The following BMP1 variants were observed in gnomAD, a reference collection of about 807,000 sequenced individuals.
BMP1 encodes bone morphogenetic protein 1, also known as mammalian tolloid protein.
BMP1 carries 63 observed loss-of-function variants against 116.8 expected under a neutral mutation model. The ratio of observed to expected loss-of-function variants is 0.54; its 90% confidence interval spans 0.44 to 0.67. The LOEUF (loss-of-function observed/expected upper bound fraction) is 0.67, where lower values mean the gene tolerates loss of function less well. Ranked by LOEUF, BMP1 falls within the 30% of genes least tolerant of loss-of-function variation. BMP1 has a pLI of 0.00. For synonymous variants in BMP1, 536 were observed against 533.4 expected (o/e 1.00, Z -0.07); for missense variants, 1,183 against 1,358.9 (o/e 0.87, Z 2.04).
intron 8 of BMP1, among the ~76,000 whole-genome samples, chr8:22,182,202 A>T (rs1161230478): frequency 6.6e-6 from 1 of 152,234 alleles, no homozygotes; most frequent in African/African-American, 2.4e-5. Flanking sequence ...ACATCTCAAG[A>T]TCATTTTGAA....
At chr8:22,176,815 A>G (rs1828451374) in intron 4 of BMP1, 146 bp from the exon 5 acceptor site, 1 of 980,938 alleles carries the variant, frequency 1.0e-6, no homozygotes, top group Non-Finnish European at 1.5e-6. Context: ...TGTGACCTCC[A>G]GCACACAGCC....
At chr8:22,188,787 C>T (rs971329759) in intron 8 of BMP1, among the ~76,000 whole-genome samples, 6 of 152,166 alleles carry the variant, frequency 3.9e-5, no homozygotes, top group Non-Finnish European at 7.3e-5. Context: ...GGGGTTCTGC[C>T]GGCTGGGCGT....
chr8:22,180,218 T>G, intron 7 of BMP1, 150 bp from the exon 8 acceptor site: 1 of 684,922 alleles, frequency 1.5e-6, no homozygotes, highest in Non-Finnish European at 2.6e-6. Context: ...GGGGGGTGGA[T>G]CTTATAGGGG....
chr8:22,165,649 C>T, intron 1 of BMP1, 96 bp downstream of exon 1: 1 of 1,247,786 alleles, frequency 8.0e-7, no homozygotes, highest in African/African-American at 1.6e-5. Flanking sequence ...TGTGGGAAGC[C>T]GGGAGCTGCC....
chr8:22,175,780 G>T (rs1460055645), intron 2 of BMP1, among the ~76,000 whole-genome samples: 1 of 152,088 alleles, frequency 6.6e-6, no homozygotes, highest in South Asian at 2.1e-4. Context: ...TATGCTCAGG[G>T]GCTGTTTTAA....
intron 16 of BMP1, among the ~76,000 whole-genome samples, chr8:22,205,729 C>T (rs116100391): frequency 1.2e-4 from 18 of 152,246 alleles, no homozygotes; most frequent in African/African-American, 3.6e-4. Context: ...GAGCTATGAT[C>T]GCACTACTGT....
At position 22,195,520 on chromosome 8, in the gene BMP1, C is replaced by G; in HGVS notation, c.1698C>G (p.Thr566=). ...RGGCEQRCLN[T]LGSYKCSCDP... ...GCTGTGAGCAGCGGTGCCTCAACACCCTGGGCAGCTACAAGTGCAGCTGTG... is the reference window on the plus strand; with the variant it reads ...GCTGTGAGCAGCGGTGCCTCAACACGCTGGGCAGCTACAAGTGCAGCTGTG... The change falls in exon 13 of 20, where the codon ACC becomes ACG. Residue 566 remains threonine, a synonymous_variant. Transcript: ENST00000306385. 1 of 1,612,712 alleles carries G rather than the reference C, an allele frequency of 6.2e-7. No individual in the cohort carries two copies. Among genetic ancestry groups the G allele is most frequent in the Non-Finnish European group, 8.5e-7 (1 of 1,179,766 alleles).
rs1004419633 is a variant in BMP1, at chr8:22,179,336, C to T, written c.837-369C>T. 1.3e-5 allele frequency among the ~76,000 whole-genome samples: 2 copies of T among 152,178 alleles called. No homozygotes were observed. Among genetic ancestry groups the T allele is most frequent in the African/African-American group, 4.8e-5 (2 of 41,442 alleles). On this transcript the variant is annotated intron_variant, in intron 6 of 19. Coordinates refer to ENST00000306385, the MANE Select transcript of BMP1 (RefSeq NM_006129.5). The surrounding 1 kb of genome is among the most constrained non-coding windows in gnomAD (Gnocchi z 4.6). ...GGAGCAGCATGAGGGGCTGCAGAAGCAGGGGCCCAGTGGGGCTGGAGAGAG... is the reference window on the plus strand; with the variant it reads ...GGAGCAGCATGAGGGGCTGCAGAAGTAGGGGCCCAGTGGGGCTGGAGAGAG...
intron 18 of BMP1, among the ~76,000 whole-genome samples, chr8:22,208,036 A>C (rs1019285973): frequency 3.3e-5 from 5 of 150,772 alleles, no homozygotes; most frequent in African/African-American, 5.0e-5. Context: ...GGAGCCTGCC[A>C]CCATGCCCAG....
chr8:22,196,095 G>C (rs1829078031), intron 13 of BMP1: 1 of 463,898 alleles, frequency 2.2e-6, no homozygotes, highest in Non-Finnish European at 4.3e-6. Flanking sequence ...CTTTGGGTTT[G>C]TTTTGTTTTT....
intron 1 of BMP1, among the ~76,000 whole-genome samples, chr8:22,166,940 G>T (rs539330147): frequency 5.9e-5 from 9 of 152,144 alleles, no homozygotes; most frequent in African/African-American, 1.9e-4. Context: ...CATTATAGCT[G>T]TACCACCTCA....
At position 22,209,402 on chromosome 8, in the gene BMP1, C is replaced by A. The variant is rs1242264202; in HGVS notation, c.2576-43C>A. 3 of 1,602,926 alleles carry A rather than the reference C, an allele frequency of 1.9e-6. No homozygotes were observed. In the South Asian group the frequency reaches 3.3e-5, roughly 18 times the overall value. On this transcript the variant is annotated intron_variant, in intron 18 of 19. Coordinates refer to ENST00000306385, the MANE Select transcript of BMP1 (RefSeq NM_006129.5). Reference sequence around the variant, plus strand: ...GCATAGTGTGCCATGGGGCCTGGCACCTGCGGTGCTCAGGGCTGGTTGGCC... The same window carrying A: ...GCATAGTGTGCCATGGGGCCTGGCAACTGCGGTGCTCAGGGCTGGTTGGCC...
At chr8:22,199,298 G>C in intron 15 of BMP1, 6 of 1,366,094 alleles carry the variant, frequency 4.4e-6, no homozygotes, top group Non-Finnish European at 5.9e-6. Context: ...GACACCCACC[G>C]AGGAGACCCT....
At chr8:22,199,440 C>T in intron 15 of BMP1, 2 of 1,220,700 alleles carry the variant, frequency 1.6e-6, no homozygotes, top group Non-Finnish European at 2.1e-6. Flanking sequence ...ACCCCACCCC[C>T]CTGCAACCTG....
At chr8:22,199,161 G>A in intron 15 of BMP1, 1 of 1,367,570 alleles carries the variant, frequency 7.3e-7, no homozygotes, top group Middle Eastern at 2.1e-4. Context: ...ACACACATGT[G>A]CACACACATT....
intron 1 of BMP1, among the ~76,000 whole-genome samples, chr8:22,167,308 A>G (rs1586430491): frequency 6.6e-6 from 1 of 152,108 alleles, no homozygotes; most frequent in Non-Finnish European, 1.5e-5. Flanking sequence ...TCCAGTAGGG[A>G]CCCAAGACAC....
At chr8:22,201,175 T>G (rs1365037134) in intron 15 of BMP1, 2 of 1,610,020 alleles carry the variant, frequency 1.2e-6, no homozygotes. Context: ...AAATTCCGAG[T>G]GCAGAAAAGA....
At position 22,195,479 on chromosome 8, in the gene BMP1, C is replaced by T. The variant is rs1274561524; in HGVS notation, c.1657C>T (p.Arg553Trp). 6.2e-6 allele frequency: 10 copies of T among 1,609,714 alleles called. No homozygotes were observed. Among genetic ancestry groups the T allele is most frequent in the Non-Finnish European group, 7.6e-6 (9 of 1,179,004 alleles). ...CACCACAGAGGTGGACGAGTGCTCT[C>T]GGCCCAACCGCGGGGGCTGTGAGCA... ...NFFKEVDECS[R>W]PNRGGCEQRC... is the part of the protein sequence containing the mutation. The change falls in exon 13 of 20, where the codon CGG (arginine) becomes TGG (tryptophan). Residue 553 changes from arginine to tryptophan, a missense_variant. Around this residue, in one of 4 missense-constraint regions of BMP1, gnomAD observed 956 missense variants for 1,135.2 expected, o/e 0.84. Coordinates refer to ENST00000306385, the MANE Select transcript of BMP1 (RefSeq NM_006129.5).
At chr8:22,185,151 C>T (rs528821023) in intron 8 of BMP1, among the ~76,000 whole-genome samples, 103 of 151,952 alleles carry the variant, frequency 6.8e-4, no homozygotes, top group African/African-American at 2.4e-3. Flanking sequence ...GAGGAGGAGA[C>T]GGTTTTAAGA....
Sources: allele counts gnomAD v4.1 joint callset (sites outside exome capture counted in the v4.1 genomes callset), GRCh38; gene constraint gnomAD v4.1.1; regional missense constraint gnomAD v4.1.1; non-coding constraint Gnocchi (gnomAD v3.1); transcripts MANE v1.5; gene names NCBI Gene and HGNC (gene_info 2026-07-23, HGNC 2026-07-21).